The following EHMT1 variants were observed in gnomAD, a reference collection of about 807,000 sequenced individuals.
The protein encoded by EHMT1 is histone-lysine N-methyltransferase EHMT1.
Under a neutral mutation model 147.2 loss-of-function variants are expected in EHMT1, and 15 were observed. The observed-to-expected ratio is 0.10, with a 90% CI of 0.07 to 0.16. The LOEUF (loss-of-function observed/expected upper bound fraction) is 0.16. Ranked by LOEUF, EHMT1 falls within the 10% of genes least tolerant of loss-of-function variation. The probability of loss-of-function intolerance (pLI) is 1.00; values close to 1 mark genes in which losing one functional copy is unlikely to be tolerated. For missense variants in EHMT1, 1,587 were observed against 1,772.4 expected, an observed-to-expected ratio of 0.90 and a Z score of 1.88; for synonymous variants, 795 against 709.6, an observed-to-expected ratio of 1.12 and a Z score of -1.91.
At chr9:137,713,871 A>T (rs940788454) in intron 2 of EHMT1, among the ~76,000 whole-genome samples, 1 of 152,000 alleles carries the variant, frequency 6.6e-6, no homozygotes, top group African/African-American at 2.4e-5. Flanking sequence ...AATCACTTGA[A>T]CCCGGGAGGC....
intron 1 of EHMT1, among the ~76,000 whole-genome samples, chr9:137,683,938 A>C (rs761792973): frequency 1.3e-5 from 2 of 151,864 alleles, no homozygotes; most frequent in Non-Finnish European, 2.9e-5. Flanking sequence ...CTTTGCCTTT[A>C]ATTTTTTAGA....
Position 137,694,345 on chromosome 9 carries a change from C to G in EHMT1, c.22-16622C>G, listed in dbSNP as rs1166194582. Among the ~76,000 whole-genome samples, 21 of 149,942 alleles carry G rather than the reference C, an allele frequency of 1.4e-4. No individual in the cohort carries two copies. In the East Asian group the frequency reaches 3.2e-3, roughly 23 times the overall value. ...CCACACAGTGGCGCAGGACGCTGGC[C>G]GATACCCACCAGGCGATGGTGCTGG... On this transcript the variant is annotated intron_variant, in intron 1 of 26. Coordinates refer to ENST00000460843, the MANE Select transcript of EHMT1 (RefSeq NM_024757.5).
chr9:137,768,529 A>ATTT (rs947901899), intron 10 of EHMT1, among the ~76,000 whole-genome samples: 1 of 18,286 alleles, frequency 5.5e-5, no homozygotes, highest in Non-Finnish European at 1.1e-4. Flanking sequence ...AATTTTTTGT[A>ATTT]TTTTTTTTTT....
At chr9:137,677,929 C>T (rs1159495450) in intron 1 of EHMT1, among the ~76,000 whole-genome samples, 2 of 150,004 alleles carry the variant, frequency 1.3e-5, no homozygotes, top group Non-Finnish European at 3.0e-5. Context: ...AAAAGCCGGG[C>T]GTGGCGGCGG....
chr9:137,725,429 G>A (rs1270344666), intron 3 of EHMT1, among the ~76,000 whole-genome samples: 1 of 152,132 alleles, frequency 6.6e-6, no homozygotes, highest in Non-Finnish European at 1.5e-5. Context: ...TTCATCCCTC[G>A]GGGAAAAAGT....
intron 4 of EHMT1, chr9:137,742,919 G>A (rs1948226843): frequency 4.0e-6 from 1 of 249,086 alleles, no homozygotes. Flanking sequence ...GGGAAGGGAG[G>A]CTGGGCTCTT....
At chr9:137,687,967 A>T (rs1039262189) in intron 1 of EHMT1, among the ~76,000 whole-genome samples, 3 of 152,126 alleles carry the variant, frequency 2.0e-5, no homozygotes, top group Non-Finnish European at 4.4e-5. Flanking sequence ...TATGTTTTGT[A>T]GTTTCATTGT....
intron 14 of EHMT1, among the ~76,000 whole-genome samples, chr9:137,781,485 T>A (rs932603172): frequency 6.6e-6 from 1 of 151,910 alleles, no homozygotes; most frequent in African/African-American, 2.4e-5. Flanking sequence ...GACGCTGGAA[T>A]GTGTGGTGAT....
chr9:137,757,071 T>C, intron 8 of EHMT1, among the ~76,000 whole-genome samples: 1 of 152,250 alleles, frequency 6.6e-6, no homozygotes, highest in East Asian at 1.9e-4. Flanking sequence ...TATTACCTGG[T>C]ACAGGTACAC....
At chr9:137,734,390 C>T (rs11137192) in intron 4 of EHMT1, among the ~76,000 whole-genome samples, 37,773 of 151,986 alleles carry the variant, frequency 0.25, 5,437 homozygotes, top group Admixed American at 0.39. Context: ...TCTGAACAGA[C>T]GGAAGAAAGA....
At chr9:137,725,836 G>A (rs977704893) in intron 3 of EHMT1, among the ~76,000 whole-genome samples, 3 of 152,054 alleles carry the variant, frequency 2.0e-5, no homozygotes, top group Admixed American at 1.3e-4. Context: ...CTTCCAGCTC[G>A]CCCTGGCACA....
intron 8 of EHMT1, among the ~76,000 whole-genome samples, chr9:137,755,236 CCCCTTCCCTGCCT>C (rs1190471348): frequency 1.3e-5 from 2 of 152,168 alleles, no homozygotes; most frequent in African/African-American, 2.4e-5. Flanking sequence ...GATAACCTGG[CCCCTTCCCTGCCT>C]CCCTTCCCTG....
chr9:137,817,863 C>T (rs546216863), intron 24 of EHMT1, 197 bp from the exon 25 acceptor site: 58 of 645,490 alleles, frequency 9.0e-5, no homozygotes, highest in Middle Eastern at 8.4e-4. Context: ...GCAGAGCTTT[C>T]GGTATCGTTA....
chr9:137,808,316 C>G (rs993479414), intron 18 of EHMT1, among the ~76,000 whole-genome samples: 2 of 152,194 alleles, frequency 1.3e-5, no homozygotes, highest in Non-Finnish European at 2.9e-5. Flanking sequence ...GGGGCCCTGC[C>G]TGCCTACCCC....
At chr9:137,768,842 G>A (rs899996330) in intron 10 of EHMT1, among the ~76,000 whole-genome samples, 4 of 151,464 alleles carry the variant, frequency 2.6e-5, no homozygotes, top group Non-Finnish European at 4.4e-5. Context: ...GAGCCACCGC[G>A]CCCAGCCTAA....
Position 137,834,334 on chromosome 9 carries a change from C to T in EHMT1, c.3541-15C>T, listed in dbSNP as rs773523047. 2.5e-6 allele frequency: 4 copies of T among 1,590,374 alleles called. No individual in the cohort carries two copies. Among genetic ancestry groups the T allele is most frequent in the South Asian group, 2.2e-5 (2 of 90,672 alleles). On this transcript the variant is annotated splice_polypyrimidine_tract_variant and intron_variant, in intron 25 of 26. Transcript: ENST00000460843. ...CCTTGCTAACTGCAGCCCGTGCCGGCTTCTCGCCCTGCAGGACGGGGAGGT... is the reference window on the plus strand; with the variant it reads ...CCTTGCTAACTGCAGCCCGTGCCGGTTTCTCGCCCTGCAGGACGGGGAGGT...
chr9:137,718,746 T>C (rs7020275), intron 3 of EHMT1, among the ~76,000 whole-genome samples: 9 of 145,564 alleles, frequency 6.2e-5, no homozygotes, highest in Non-Finnish European at 1.3e-4. Context: ...CTCTCTCTTT[T>C]TCTTTTTCTT....
chr9:137,750,276 A>G (rs997273133), intron 6 of EHMT1, among the ~76,000 whole-genome samples: 2 of 152,224 alleles, frequency 1.3e-5, no homozygotes, highest in East Asian at 1.9e-4. Context: ...GAAAATTTCA[A>G]GCTGCACAAA....
rs778447794 is a variant in EHMT1, at chr9:137,762,684, A to G, written c.1511A>G (p.Asn504Ser). 3.7e-6 allele frequency: 6 copies of G among 1,614,260 alleles called. No individual in the cohort carries two copies. Among genetic ancestry groups the G allele is most frequent in the East Asian group, 4.5e-5 (2 of 44,894 alleles). Residue 504 changes from asparagine (N) to serine (S), a missense_variant, in exon 10 of 27, where the codon AAC becomes AGC. This residue lies in a region of EHMT1 where 810 missense variants were observed against 673.0 expected (regional missense o/e 1.20). Transcript: ENST00000460843. ...ILSSQAEGLA[N>S]GPDVLETDGL... ...GTCTGTGTGACGTTAGGGTTGGCCA[A>G]CGGTCCAGATGTGCTGGAGACAGAC...
Sources: gnomAD v4.1 joint callset for allele counts (sites outside exome capture counted in the v4.1 genomes callset) on GRCh38, gnomAD v4.1.1 for gene constraint, gnomAD v4.1.1 regional missense constraint, MANE v1.5 for transcripts, NCBI Gene and HGNC (gene_info 2026-07-23, HGNC 2026-07-21) for gene names.